ALK: variants seen among roughly 807,000 people sequenced by gnomAD.
The protein encoded by ALK is ALK receptor tyrosine kinase.
A neutral mutation model predicts 163.1 loss-of-function variants in ALK; 74 were observed. The observed-to-expected ratio is 0.45, with a 90% CI of 0.38 to 0.55. The LOEUF (loss-of-function observed/expected upper bound fraction) is 0.55, where lower values mean the gene tolerates loss of function less well. ALK is among the 20% of genes least tolerant of loss of function. The pLI is 0.00. For synonymous variants in ALK, 960 were observed against 843.2 expected (o/e 1.14, Z -2.40); for missense variants, 2,063 against 2,105.3 (o/e 0.98, Z 0.39).
chr2:29,819,950 C>T (rs917749472), intron 1 of ALK, among the ~76,000 whole-genome samples: 2 of 152,184 alleles, frequency 1.3e-5, no homozygotes, highest in African/African-American at 2.4e-5. Flanking sequence ...TCATTTGGCA[C>T]AAGACAGGAA....
intron 4 of ALK, among the ~76,000 whole-genome samples, chr2:29,435,680 C>G (rs1184027420): frequency 6.6e-6 from 1 of 150,936 alleles, no homozygotes; most frequent in Non-Finnish European, 1.5e-5. Flanking sequence ...TGTTTAACAC[C>G]AAAAGCAACA....
intron 1 of ALK, among the ~76,000 whole-genome samples, chr2:29,747,615 C>T (rs765726605): frequency 2.0e-5 from 3 of 152,196 alleles, no homozygotes; most frequent in Non-Finnish European, 4.4e-5. Flanking sequence ...GGACCTAGCA[C>T]AGAGTGAATG....
chr2:29,906,144 G>A (rs75217825), intron 1 of ALK, among the ~76,000 whole-genome samples: 1 of 151,946 alleles, frequency 6.6e-6, no homozygotes. Context: ...GGGCAGGGGG[G>A]AAGAAGCAGG....
chr2:29,752,745 T>C (rs951918507), intron 1 of ALK, among the ~76,000 whole-genome samples: 1 of 152,178 alleles, frequency 6.6e-6, no homozygotes, highest in African/African-American at 2.4e-5. Context: ...TCTCACATCC[T>C]GTACTGACAC....
intron 1 of ALK, among the ~76,000 whole-genome samples, chr2:29,831,259 GGAAGAA>G (rs201594262): frequency 0.031 from 858 of 28,118 alleles, 118 homozygotes; most frequent in South Asian, 0.078. Context: ...AAGAGGAAGA[GGAAGAA>G]GAAGAAGAAG....
At chr2:29,194,519 A>G (rs939353283) in intron 28 of ALK, among the ~76,000 whole-genome samples, 3 of 152,046 alleles carry the variant, frequency 2.0e-5, no homozygotes, top group African/African-American at 7.2e-5. Context: ...TTTGTTTTTT[A>G]GAGACAGTCT....
intron 1 of ALK, among the ~76,000 whole-genome samples, chr2:29,743,065 A>G (rs972537080): frequency 6.6e-6 from 1 of 152,222 alleles, no homozygotes; most frequent in Non-Finnish European, 1.5e-5. Flanking sequence ...CAGACCAAGA[A>G]AAACAAGTTG....
chr2:29,675,532 C>T (rs1677846853), intron 3 of ALK, among the ~76,000 whole-genome samples: 1 of 151,986 alleles, frequency 6.6e-6, no homozygotes, highest in African/African-American at 2.4e-5. Flanking sequence ...GAGGTCCGAA[C>T]CCTCAGTACC....
At chr2:29,761,536 C>T (rs372957867) in intron 1 of ALK, among the ~76,000 whole-genome samples, 4 of 152,296 alleles carry the variant, frequency 2.6e-5, no homozygotes, top group African/African-American at 9.6e-5. Context: ...TTTAAAAGCA[C>T]AAAGGAAGAG....
chr2:29,658,701 A>C (rs7584280), intron 3 of ALK, among the ~76,000 whole-genome samples: 4,152 of 152,280 alleles, frequency 0.027, 162 homozygotes, highest in African/African-American at 0.086. Context: ...TTTAGCATAC[A>C]TATTAATGCT....
At chr2:29,765,284 G>A (rs992124649) in intron 1 of ALK, among the ~76,000 whole-genome samples, 5 of 152,040 alleles carry the variant, frequency 3.3e-5, no homozygotes, top group African/African-American at 4.8e-5. Context: ...GAAAATGATC[G>A]AAAGTTTTGA....
intron 5 of ALK, among the ~76,000 whole-genome samples, chr2:29,340,870 A>T (rs1667769725): frequency 6.6e-6 from 1 of 152,146 alleles, no homozygotes; most frequent in African/African-American, 2.4e-5. Flanking sequence ...CAAATCACAG[A>T]TACATCGTCT....
chr2:29,251,257 C>G lies in ALK; in HGVS notation c.2052G>C (p.Leu684=), dbSNP rs1664809971. 6.2e-7 allele frequency: 1 copy of G among 1,613,660 alleles called. No homozygotes were observed. The highest frequency in any genetic ancestry group is 8.5e-7 in the Non-Finnish European group (1 of 1,179,878). The stretch of plus-strand genomic sequence containing the variant: ...GCCCGCTGGCCCCACATGTGGTGAA[C>G]AGCCAATGAACTGTGGCACAAGAGG... ...TPIFDPTVHW[L]FTTCGASGPH... is the part of the protein sequence containing the mutation. The change falls in exon 12 of 29, where the codon CTG becomes CTC. Residue 684 remains leucine, a synonymous_variant. Transcript: ENST00000389048.
Position 29,320,817 on chromosome 2 carries a change from G to C in ALK, c.1480C>G (p.Leu494Val). ...TGCCATTGAGGAGTGTGGGGTGACA[G>C]TGTGCCTTGGGTCCAGCCACAGAAG... ...DGFCGWTQGT[L>V]SPHTPQWQVR... The change falls in exon 7 of 29, where the codon CTG becomes GTG. Residue 494 changes from leucine (L) to valine (V), a missense_variant. Transcript: ENST00000389048. 3 of 1,614,182 alleles carry C rather than the reference G, an allele frequency of 1.9e-6. No homozygotes were observed. Among genetic ancestry groups the C allele is most frequent in the Non-Finnish European group, 2.5e-6 (3 of 1,180,006 alleles).
chr2:29,250,748 TG>T (rs943081531), intron 12 of ALK, among the ~76,000 whole-genome samples: 6 of 152,238 alleles, frequency 3.9e-5, no homozygotes, highest in Non-Finnish European at 8.8e-5. Flanking sequence ...ATTGTGCTTC[TG>T]TTTCCCAAAC....
intron 9 of ALK, among the ~76,000 whole-genome samples, chr2:29,282,682 C>T (rs1362281315): frequency 6.6e-6 from 1 of 152,170 alleles, no homozygotes; most frequent in African/African-American, 2.4e-5. Context: ...TTTCAAGGGC[C>T]ATAGAGATCT....
chr2:29,616,618 C>G (rs1675855738), intron 3 of ALK, among the ~76,000 whole-genome samples: 1 of 152,158 alleles, frequency 6.6e-6, no homozygotes, highest in African/African-American at 2.4e-5. Flanking sequence ...GAAATTCTTA[C>G]AGTTAAGAGA....
chr2:29,831,439 C>T (rs550976785), intron 1 of ALK, among the ~76,000 whole-genome samples: 33 of 151,940 alleles, frequency 2.2e-4, no homozygotes, highest in Non-Finnish European at 1.5e-5. Context: ...GAGCTTCTCT[C>T]TTTATGCCCT....
Position 29,227,187 on chromosome 2 carries a change from G to A in ALK, c.2915-113C>T. ...GGTGCTCTGGTGGTCCCTGTTCCTA[G>A]GTCCCATAGCCACTGGAAGCACAAC... is the stretch of plus-strand genomic sequence containing the variant. On this transcript the variant is annotated intron_variant, in intron 17 of 28. Transcript: ENST00000389048. The surrounding 1 kb of genome is among the most constrained non-coding windows in gnomAD (Gnocchi z 4.4). 1 of 1,381,080 alleles carries A rather than the reference G, an allele frequency of 7.2e-7. No homozygotes were observed. The highest frequency in any genetic ancestry group is 1.0e-6 in the Non-Finnish European group (1 of 974,638). 85.6% of individuals were successfully genotyped at this position (1,381,080 alleles called of 1,614,324 possible).
Sources: allele counts gnomAD v4.1 joint callset (sites outside exome capture counted in the v4.1 genomes callset), GRCh38; gene constraint gnomAD v4.1.1; non-coding constraint Gnocchi (gnomAD v3.1); transcripts MANE v1.5; gene names NCBI Gene and HGNC (gene_info 2026-07-23, HGNC 2026-07-21).